The following BCL2 variants were observed in gnomAD, a reference collection of about 807,000 sequenced individuals.
BCL2 encodes the protein apoptosis regulator Bcl-2.
Under a neutral mutation model 14.2 loss-of-function variants are expected in BCL2, and 1 was observed. That is an observed-to-expected ratio of 0.07 (90% CI 0.02 to 0.33). The LOEUF is 0.33. BCL2 is among the 10% of genes least tolerant of loss of function. The probability of loss-of-function intolerance (pLI) is 0.99; values close to 1 mark genes in which losing one functional copy is unlikely to be tolerated. For synonymous variants in BCL2, 151 were observed against 137.2 expected, an observed-to-expected ratio of 1.10 and a Z score of -0.70; for missense variants, 247 against 305.9, an observed-to-expected ratio of 0.81 and a Z score of 1.44.
rs557922819 is a variant in BCL2, at chr18:63,318,379, G to A, written c.288C>T (p.Thr96=). ...LSPVPPVVHL[T]LRQAGDDFSR... ...AGAAGTCGTCGCCGGCCTGGCGGAG[G>A]GTCAGGTGGACCACAGGTGGCACCG... Residue 96 remains threonine, a synonymous_variant, in exon 2 of 3, where the codon ACC becomes ACT. Coordinates refer to ENST00000333681, the MANE Select transcript of BCL2 (RefSeq NM_000633.3). The surrounding 1 kb of genome is among the most constrained non-coding windows in gnomAD (Gnocchi z 7.4). The A allele has an allele frequency of 6.3e-7, 1 of 1,594,528 alleles. No homozygotes were observed. Among genetic ancestry groups the A allele is most frequent in the Non-Finnish European group, 8.5e-7 (1 of 1,170,442 alleles).
chr18:63,306,831 G>T (rs1913149935), intron 2 of BCL2, among the ~76,000 whole-genome samples: 2 of 136,636 alleles, frequency 1.5e-5, no homozygotes, highest in African/African-American at 2.9e-5. Context: ...ATATTATGAG[G>T]TTTTTTTGTG....
Position 63,318,337 on chromosome 18 carries a change from G to C in BCL2, c.330C>G (p.Arg110=), listed in dbSNP as rs1913567542. 6.2e-7 allele frequency: 1 copy of C among 1,611,886 alleles called. No homozygotes were observed. Among genetic ancestry groups the C allele is most frequent in the Non-Finnish European group, 8.5e-7 (1 of 1,178,588 alleles). ...GCTGGCTGGACATCTCGGCGAAGTCGCGGCGGTAGCGGCGGGAGAAGTCGT... is the reference window on the plus strand; with the variant it reads ...GCTGGCTGGACATCTCGGCGAAGTCCCGGCGGTAGCGGCGGGAGAAGTCGT... ...AGDDFSRRYR[R]DFAEMSSQLH... Residue 110 remains arginine, a synonymous_variant, in exon 2 of 3, where the codon CGC becomes CGG. Coordinates refer to ENST00000333681, the MANE Select transcript of BCL2 (RefSeq NM_000633.3). This position sits in a 1 kb window ranked among gnomAD's most constrained non-coding sequence, Gnocchi z 7.4.
At chr18:63,213,551 C>CATAA (rs781637136) in intron 2 of BCL2, among the ~76,000 whole-genome samples, 6,354 of 98,226 alleles carry the variant, frequency 0.065, 154 homozygotes, top group African/African-American at 0.11. Context: ...CACATAAACA[C>CATAA]ACACACACAC....
At chr18:63,224,359 G>A (rs550438896) in intron 2 of BCL2, among the ~76,000 whole-genome samples, 4 of 152,288 alleles carry the variant, frequency 2.6e-5, no homozygotes, top group South Asian at 2.1e-4. Flanking sequence ...AACAGTCATC[G>A]TGAAATTTAG....
rs1344438049 is a variant in BCL2 at position 63,128,756 on chromosome 18, C to T, written c.589G>A (p.Ala197Thr). 9 of 780,050 alleles carry T rather than the reference C, an allele frequency of 1.2e-5. No homozygotes were observed. The highest frequency in any genetic ancestry group is 1.9e-5 in the Non-Finnish European group (8 of 417,700). The allele number at this position is 780,050 out of a possible 1,614,324, so 48.3% of individuals were successfully genotyped here. ...TWIQDNGGWD[A>T]FVELYGPSMR... ...CTGGGGCCGTACAGTTCCACAAAGG[C>T]ATCCTGCAGTTGGGGGAGAGGAGGG... Residue 197 changes from alanine (A) to threonine (T), a missense_variant, in exon 3 of 3, where the codon GCC becomes ACC. By Grantham distance (58) the Ala-to-Thr change is moderately conservative. Around this residue, in one of 3 missense-constraint regions of BCL2, gnomAD observed 36 missense variants for 24.9 expected, o/e 1.45. Coordinates refer to ENST00000333681, the MANE Select transcript of BCL2 (RefSeq NM_000633.3).
Position 63,149,993 on chromosome 18 carries a change from C to T in BCL2, c.586-21234G>A, listed in dbSNP as rs1040597256. Among the ~76,000 whole-genome samples, 1 of 152,110 alleles carries T rather than the reference C, an allele frequency of 6.6e-6. No individual in the cohort carries two copies. Among genetic ancestry groups the T allele is most frequent in the Non-Finnish European group, 1.5e-5 (1 of 68,008 alleles). ...CTCCCAGGTTCAAGCAATTCTCCTG[C>T]CTCAGTCTTCCCGAATGGCTGGGAT... On this transcript the variant is annotated intron_variant, in intron 2 of 2. Coordinates refer to ENST00000333681, the MANE Select transcript of BCL2 (RefSeq NM_000633.3). The surrounding 1 kb of genome is among the most constrained non-coding windows in gnomAD (Gnocchi z 4.2).
Position 63,126,565 on chromosome 18 carries a change from G to C in BCL2, c.*2060C>G. On this transcript the variant is annotated 3_prime_UTR_variant, in exon 3 of 3. Transcript: ENST00000333681. The stretch of plus-strand genomic sequence containing the variant: ...GGTCAAAGGGACAACAGATATAACT[G>C]TCACAATAAACAATTCTGTTGACGT... The C allele has an allele frequency of 4.4e-6, 1 of 229,426 alleles. No individual in the cohort carries two copies. Among genetic ancestry groups the C allele is most frequent in the Non-Finnish European group, 8.7e-6 (1 of 115,588 alleles). The allele number at this position is 229,426 out of a possible 1,614,324, so 14.2% of individuals were successfully genotyped here. A position where few individuals can be genotyped will look rare whatever the true frequency, so the allele number is the denominator to read the frequency against.
chr18:63,230,613 A>G (rs1412184872), intron 2 of BCL2, among the ~76,000 whole-genome samples: 2 of 152,254 alleles, frequency 1.3e-5, no homozygotes, highest in East Asian at 3.9e-4. Context: ...AAGAGCACAA[A>G]TAAACACTAT....
intron 2 of BCL2, among the ~76,000 whole-genome samples, chr18:63,148,008 T>C (rs1432957743): frequency 1.3e-5 from 2 of 152,160 alleles, no homozygotes; most frequent in African/African-American, 4.8e-5. Context: ...CCCTCCCTGC[T>C]TGGAAAATGC....
At chr18:63,214,084 T>C (rs1231295474) in intron 2 of BCL2, among the ~76,000 whole-genome samples, 1 of 151,866 alleles carries the variant, frequency 6.6e-6, no homozygotes, top group Non-Finnish European at 1.5e-5. Context: ...ATCTCAAGAG[T>C]GGGCCATGGC....
At position 63,318,481 on chromosome 18, in the gene BCL2, G is replaced by C; in HGVS notation, c.186C>G (p.Ser62=). Residue 62 remains serine (S), a synonymous_variant, in exon 2 of 3, where the codon TCC becomes TCG. Coordinates refer to ENST00000333681, the MANE Select transcript of BCL2 (RefSeq NM_000633.3). The surrounding 1 kb of genome is among the most constrained non-coding windows in gnomAD (Gnocchi z 7.4). ...QPGHTPHPAA[S]RDPVARTSPL... ...GCGAGGTCCTGGCGACCGGGTCCCG[G>C]GATGCGGCTGGATGGGGCGTGTGCC... The C allele has an allele frequency of 6.7e-7, 1 of 1,486,920 alleles. No individual in the cohort carries two copies. Among genetic ancestry groups the C allele is most frequent in the Non-Finnish European group, 8.8e-7 (1 of 1,130,472 alleles). The allele number at this position is 1,486,920 out of a possible 1,614,324, so 92.1% of individuals were successfully genotyped here.
At chr18:63,176,089 C>A (rs112771069) in intron 2 of BCL2, among the ~76,000 whole-genome samples, 2 of 152,210 alleles carry the variant, frequency 1.3e-5, no homozygotes, top group Non-Finnish European at 2.9e-5. Flanking sequence ...CTTCCCTAGA[C>A]GAGCTGTTCT....
At chr18:63,235,717 G>A (rs1307557835) in intron 2 of BCL2, among the ~76,000 whole-genome samples, 1 of 151,808 alleles carries the variant, frequency 6.6e-6, no homozygotes, top group East Asian at 1.9e-4. Flanking sequence ...ACAAGGACAT[G>A]ACAAAATAGT....
At chr18:63,159,772 G>A (rs1418089191) in intron 2 of BCL2, among the ~76,000 whole-genome samples, 1 of 152,238 alleles carries the variant, frequency 6.6e-6, no homozygotes, top group Non-Finnish European at 1.5e-5. Flanking sequence ...CAAAAACACA[G>A]ATGAATGTGC....
intron 2 of BCL2, among the ~76,000 whole-genome samples, chr18:63,240,428 G>A (rs1910967814): frequency 1.3e-5 from 2 of 152,174 alleles, no homozygotes; most frequent in South Asian, 4.1e-4. Flanking sequence ...TTCCCACCCT[G>A]ATAAAGGAAG....
intron 2 of BCL2, among the ~76,000 whole-genome samples, chr18:63,294,462 A>C (rs1244525665): frequency 6.6e-6 from 1 of 152,048 alleles, no homozygotes; most frequent in African/African-American, 2.4e-5. Context: ...TGCGGTCAGG[A>C]ATTCAAGACT....
chr18:63,161,247 T>TC (rs560036107), intron 2 of BCL2, among the ~76,000 whole-genome samples: 12 of 152,208 alleles, frequency 7.9e-5, no homozygotes, highest in African/African-American at 1.2e-4. Flanking sequence ...TTTGGTGAAA[T>TC]CCCCCCCTTG....
chr18:63,149,759 T>C lies in BCL2; in HGVS notation c.586-21000A>G, dbSNP rs1473053951. ...GAGATGTCACTAATAATATTGATTT[T>C]TAACCCTTTCTCTAGTTTTTGTTTG... On this transcript the variant is annotated intron_variant, in intron 2 of 2. Coordinates refer to ENST00000333681, the MANE Select transcript of BCL2 (RefSeq NM_000633.3). The surrounding 1 kb of genome is among the most constrained non-coding windows in gnomAD (Gnocchi z 4.2). Among the ~76,000 whole-genome samples, 1 of 152,228 alleles carries C rather than the reference T, an allele frequency of 6.6e-6. No homozygotes were observed. The highest frequency in any genetic ancestry group is 2.4e-5 in the African/African-American group (1 of 41,464).
At position 63,208,571 on chromosome 18, in the gene BCL2, G is replaced by A. The variant is rs530503348; in HGVS notation, c.586-79812C>T. On this transcript the variant is annotated intron_variant, in intron 2 of 2. Coordinates refer to ENST00000333681, the MANE Select transcript of BCL2 (RefSeq NM_000633.3). ...AAGCTGAGAAGAGGGTAAGTGTTTCGTGTTGGGGGATGGTGTATCTGGGGG... is the reference window on the plus strand; with the variant it reads ...AAGCTGAGAAGAGGGTAAGTGTTTCATGTTGGGGGATGGTGTATCTGGGGG... Among the ~76,000 whole-genome samples the A allele has an allele frequency of 1.2e-4, 19 of 152,132 alleles. No individual in the cohort carries two copies. The South Asian group carries it at 4.0e-3, about 32-fold the overall frequency.
Sources: gnomAD v4.1 joint callset for allele counts (sites outside exome capture counted in the v4.1 genomes callset) on GRCh38, gnomAD v4.1.1 for gene constraint, gnomAD v4.1.1 regional missense constraint, Gnocchi (gnomAD v3.1) non-coding constraint, MANE v1.5 for transcripts, NCBI Gene and HGNC (gene_info 2026-07-23, HGNC 2026-07-21) for gene names.